Variants in CFAP91 observed in about 807,000 individuals in gnomAD.
CFAP91 encodes the protein cilia and flagella associated protein 91.
CFAP91 carries 85 observed loss-of-function variants against 95.9 expected under a neutral mutation model. The ratio of observed to expected loss-of-function variants is 0.89; its 90% CI spans 0.74 to 1.06. The LOEUF is 1.06. Among genes scored for constraint, CFAP91 ranks in the 50% least tolerant of loss-of-function variants. The pLI is 0.00. For missense variants in CFAP91, 962 were observed against 943.4 expected (o/e 1.02, Z -0.26); for synonymous variants, 335 against 327.5 (o/e 1.02, Z -0.25).
intron 10 of CFAP91, among the ~76,000 whole-genome samples, chr3:119,736,815 C>A (rs535708995): frequency 1.4e-4 from 21 of 152,134 alleles, no homozygotes; most frequent in African/African-American, 5.1e-4. Flanking sequence ...AAGAATATAA[C>A]CATGTCTAGT....
At chr3:119,754,491 T>G (rs1484944357) in intron 17 of CFAP91, among the ~76,000 whole-genome samples, 1 of 152,188 alleles carries the variant, frequency 6.6e-6, no homozygotes, top group Non-Finnish European at 1.5e-5. Flanking sequence ...TAAGGGTGGG[T>G]TAACAGACAT....
In CFAP91 at chr3:119,707,657, GTGT is replaced by G. The variant is rs1473698174; in HGVS notation, c.359+98_359+100del. On this transcript the variant is annotated intron_variant, in intron 3 of 17. Coordinates refer to ENST00000273390, the MANE Select transcript of CFAP91 (RefSeq NM_033364.4). ...TGTGGTTTTAAAATGTTCAGTTGTG[GTGT>G]TATACCTAGGCCAAATTTTCTTTCT... 26 of 1,224,154 alleles carry G rather than the reference GTGT, an allele frequency of 2.1e-5. No homozygotes were observed. The South Asian group carries it at 5.8e-4, about 27-fold the overall frequency. 75.8% of individuals were successfully genotyped at this position (1,224,154 alleles called of 1,614,324 possible). A position where few individuals can be genotyped will look rare whatever the true frequency, so the allele number is the denominator to read the frequency against.
intron 11 of CFAP91, among the ~76,000 whole-genome samples, chr3:119,738,779 G>A (rs1294318350): frequency 6.6e-6 from 1 of 152,094 alleles, no homozygotes; most frequent in Non-Finnish European, 1.5e-5. Context: ...TTTTTAAGAT[G>A]ATTTTTATAG....
rs1190557124 is a variant in CFAP91, at chr3:119,765,218, T to C, written c.*168T>C. The C allele has an allele frequency of 6.6e-6, 1 of 152,198 alleles. No individual in the cohort carries two copies. The highest frequency in any genetic ancestry group is 1.9e-4 in the East Asian group (1 of 5,196). The allele number at this position is 152,198 out of a possible 1,614,324, so 9.4% of individuals were successfully genotyped here. Reference sequence around the variant, plus strand: ...AATAATTTAAAATGATTTTCAATAATAATAATCAAATGAAAAAGCTTCATT... The same window carrying C: ...AATAATTTAAAATGATTTTCAATAACAATAATCAAATGAAAAAGCTTCATT... On this transcript the variant is annotated 3_prime_UTR_variant, in exon 18 of 18. Coordinates refer to ENST00000273390, the MANE Select transcript of CFAP91 (RefSeq NM_033364.4).
chr3:119,703,029 T>A lies in CFAP91; in HGVS notation c.-70T>A. 1.3e-6 allele frequency: 2 copies of A among 1,513,616 alleles called. No homozygotes were observed. The highest frequency in any genetic ancestry group is 1.8e-6 in the Non-Finnish European group (2 of 1,121,988). The allele number at this position is 1,513,616 out of a possible 1,614,324, so 93.8% of individuals were successfully genotyped here. On this transcript the variant is annotated 5_prime_UTR_variant, in exon 1 of 18. Coordinates refer to ENST00000273390, the MANE Select transcript of CFAP91 (RefSeq NM_033364.4). The stretch of plus-strand genomic sequence containing the variant: ...CCCTGCGCGCCGGCGGCCGTTACCA[T>A]AGCGACGTGCACGCAGTAGCCAGGC...
chr3:119,713,634 A>C (rs2053517361), intron 5 of CFAP91, among the ~76,000 whole-genome samples: 1 of 151,992 alleles, frequency 6.6e-6, no homozygotes, highest in East Asian at 1.9e-4. Flanking sequence ...GAGGCAATGC[A>C]TGTACATGTT....
At chr3:119,763,711 A>G (rs933391491) in intron 17 of CFAP91, among the ~76,000 whole-genome samples, 11 of 152,116 alleles carry the variant, frequency 7.2e-5, no homozygotes, top group Non-Finnish European at 1.5e-4. Flanking sequence ...GCACAGAAAT[A>G]CCAGCATAAT....
chr3:119,708,440 T>A (rs2053414848), intron 3 of CFAP91, 151 bp from the exon 4 acceptor site: 1 of 589,696 alleles, frequency 1.7e-6, no homozygotes, highest in Non-Finnish European at 3.0e-6. Context: ...ATACTCTAAG[T>A]TGTATGGCAG....
intron 5 of CFAP91, chr3:119,713,355 T>C (rs2053511283): frequency 6.6e-6 from 1 of 151,650 alleles, no homozygotes; most frequent in Non-Finnish European, 1.5e-5. Flanking sequence ...CCTGACCTCA[T>C]GATCCGCCTG....
intron 16 of CFAP91, among the ~76,000 whole-genome samples, chr3:119,748,573 C>A (rs563118035): frequency 1.2e-4 from 18 of 152,122 alleles, no homozygotes; most frequent in Non-Finnish European, 2.1e-4. Flanking sequence ...AATAGCAGCT[C>A]AGAAGTATTG....
intron 6 of CFAP91, among the ~76,000 whole-genome samples, chr3:119,717,515 A>G (rs890169986): frequency 2.6e-5 from 4 of 151,852 alleles, no homozygotes; most frequent in African/African-American, 7.3e-5. Flanking sequence ...TTAAAATTAT[A>G]AATCAAGCTA....
intron 6 of CFAP91, among the ~76,000 whole-genome samples, chr3:119,723,209 T>C (rs934285367): frequency 7.2e-5 from 11 of 152,150 alleles, no homozygotes; most frequent in Admixed American, 7.2e-4. Flanking sequence ...AGATGCAATG[T>C]GGGAGGAAGT....
At chr3:119,755,655 A>G (rs1052281289) in intron 17 of CFAP91, among the ~76,000 whole-genome samples, 8 of 152,188 alleles carry the variant, frequency 5.3e-5, no homozygotes, top group African/African-American at 1.9e-4. Context: ...TGAGAAAAGA[A>G]ATTTCTGCTG....
Position 119,726,210 on chromosome 3 carries a change from TAGAA to T in CFAP91, c.726_729del (p.Arg243ProfsTer14). ...GCAGGACAAGCTGAGGTGGAGATGA[TAGAA>T]AGAGCCCGCGAGAAGCGTGCTTGGG... On this transcript the variant is annotated frameshift_variant, in exon 7 of 18. Transcript: ENST00000273390. LOFTEE classifies it high-confidence loss of function. The T allele has an allele frequency of 2.5e-6, 4 of 1,612,944 alleles. No homozygotes were observed. Among genetic ancestry groups the T allele is most frequent in the Non-Finnish European group, 2.5e-6 (3 of 1,179,570 alleles).
chr3:119,752,034 C>CT (rs1359153033), intron 17 of CFAP91, among the ~76,000 whole-genome samples: 2 of 152,152 alleles, frequency 1.3e-5, no homozygotes, highest in African/African-American at 4.8e-5. Context: ...TATCAAGTTA[C>CT]TAGGAGAATA....
At chr3:119,715,387 C>A (rs1483936521) in intron 5 of CFAP91, 175 bp from the exon 6 acceptor site, 1 of 717,860 alleles carries the variant, frequency 1.4e-6, no homozygotes, top group Non-Finnish European at 2.5e-6. Flanking sequence ...CAAGGCAATT[C>A]TCTCAAGATT....
chr3:119,747,965 C>T, intron 16 of CFAP91, 63 bp downstream of exon 16: 3 of 1,261,532 alleles, frequency 2.4e-6, no homozygotes, highest in Non-Finnish European at 3.4e-6. Flanking sequence ...TTCAATATCC[C>T]AGAGATTTAA....
chr3:119,756,019 A>G (rs964749735), intron 17 of CFAP91, among the ~76,000 whole-genome samples: 1 of 152,192 alleles, frequency 6.6e-6, no homozygotes, highest in Non-Finnish European at 1.5e-5. Flanking sequence ...AGGAAGGAAT[A>G]ATATGTTGGG....
intron 2 of CFAP91, 119 bp from the exon 3 acceptor site, chr3:119,707,285 T>G: frequency 1.3e-6 from 1 of 752,568 alleles, no homozygotes; most frequent in Non-Finnish European, 2.1e-6. Context: ...CAATAACCCC[T>G]CTTCTTATGC....
Sources: allele counts gnomAD v4.1 joint callset (sites outside exome capture counted in the v4.1 genomes callset), GRCh38; gene constraint gnomAD v4.1.1; transcripts MANE v1.5; gene names NCBI Gene and HGNC (gene_info 2026-07-23, HGNC 2026-07-21).